The following PPP1R12B variants were observed in gnomAD, a reference collection of about 807,000 sequenced individuals.
The protein encoded by PPP1R12B is myosin phosphatase target subunit 2.
PPP1R12B carries 76 observed loss-of-function variants against 126.1 expected under a neutral mutation model. That is an observed-to-expected ratio of 0.60 (90% CI 0.50 to 0.73). PPP1R12B has a LOEUF of 0.73. Among genes scored for constraint, PPP1R12B ranks in the 30% least tolerant of loss-of-function variants. PPP1R12B has a pLI of 0.00. For synonymous variants in PPP1R12B, 356 were observed against 434.7 expected (o/e 0.82, Z 2.25); for missense variants, 1,052 against 1,205.1 (o/e 0.87, Z 1.88).
intron 18 of PPP1R12B, among the ~76,000 whole-genome samples, chr1:202,523,517 G>A (rs1682993812): frequency 6.6e-6 from 1 of 152,178 alleles, no homozygotes; most frequent in Admixed American, 6.5e-5. Flanking sequence ...TACAGCTAGA[G>A]CAAAGGCCAT....
chr1:202,502,060 A>G (rs1271829343), intron 18 of PPP1R12B: 1 of 985,546 alleles, frequency 1.0e-6, no homozygotes, highest in Non-Finnish European at 1.2e-6. Flanking sequence ...CTTTTCCCCT[A>G]GAATCTCTAT....
rs1489106278 is a variant in PPP1R12B, at chr1:202,377,841, T to TTG, written c.291+28700_291+28701insGT. 6.4e-3 allele frequency among the ~76,000 whole-genome samples: 303 copies of TTG among 47,304 alleles called. 4 individuals are homozygous for TTG. Among genetic ancestry groups the TTG allele is most frequent in the African/African-American group, 0.012 (285 of 22,856 alleles). The allele number at this position is 47,304 out of a possible 152,430, so 31.0% of individuals were successfully genotyped here. On this transcript the variant is annotated intron_variant, in intron 1 of 23. Coordinates refer to ENST00000608999, the MANE Select transcript of PPP1R12B (RefSeq NM_002481.4). ...AAGGTCAAAGACAGGTGTTTTTTTT[T>TTG]TTTTTTTTTTTTTTTTTTGAGACGG...
intron 1 of PPP1R12B, among the ~76,000 whole-genome samples, chr1:202,358,169 A>T (rs1657457507): frequency 6.6e-6 from 1 of 152,204 alleles, no homozygotes; most frequent in Non-Finnish European, 1.5e-5. Context: ...AGGACAAGGA[A>T]TTGAAGCCTC....
intron 13 of PPP1R12B, among the ~76,000 whole-genome samples, chr1:202,464,199 G>A (rs1572143796): frequency 2.0e-5 from 3 of 152,086 alleles, no homozygotes; most frequent in African/African-American, 7.2e-5. Context: ...TTAATTAAAT[G>A]GTATGTTGTT....
chr1:202,437,254 G>A (rs931277947), intron 9 of PPP1R12B, among the ~76,000 whole-genome samples: 16 of 152,106 alleles, frequency 1.1e-4, no homozygotes, highest in Admixed American at 2.6e-4. Context: ...TTGCTTGGGC[G>A]CAGGAGGTCA....
chr1:202,525,397 G>T (rs917878658), intron 18 of PPP1R12B, among the ~76,000 whole-genome samples: 8 of 151,904 alleles, frequency 5.3e-5, no homozygotes, highest in Non-Finnish European at 1.0e-4. Flanking sequence ...AAAAAAAAAT[G>T]TATCATGAAA....
intron 13 of PPP1R12B, among the ~76,000 whole-genome samples, chr1:202,464,323 C>G (rs1242467870): frequency 1.3e-5 from 2 of 152,100 alleles, no homozygotes; most frequent in Non-Finnish European, 2.9e-5. Context: ...AATTATTTCT[C>G]AAATGAAAAT....
chr1:202,366,870 A>G (rs1330387572), intron 1 of PPP1R12B, among the ~76,000 whole-genome samples: 1 of 152,182 alleles, frequency 6.6e-6, no homozygotes, highest in Non-Finnish European at 1.5e-5. Context: ...AAATGATTCA[A>G]CAGGAAGATC....
intron 18 of PPP1R12B, among the ~76,000 whole-genome samples, chr1:202,549,450 C>T (rs1572473168): frequency 6.9e-6 from 1 of 145,596 alleles, no homozygotes; most frequent in African/African-American, 2.6e-5. Flanking sequence ...GACGGAGTCT[C>T]GCTCTGTTGC....
chr1:202,414,164 C>T (rs1255150993), intron 1 of PPP1R12B, among the ~76,000 whole-genome samples: 1 of 152,200 alleles, frequency 6.6e-6, no homozygotes, highest in Admixed American at 6.5e-5. Flanking sequence ...TCAGGTGATC[C>T]ACCTGCCTTG....
At position 202,590,263 on chromosome 1, in the gene PPP1R12B, TC is replaced by T. The variant is rs1398084530; in HGVS notation, c.*9707del. The T allele has an allele frequency of 6.6e-6, 1 of 151,790 alleles. No homozygotes were observed. 9.4% of individuals were successfully genotyped at this position (151,790 alleles called of 1,614,324 possible). A position where few individuals can be genotyped will look rare whatever the true frequency, so the allele number is the denominator to read the frequency against. On this transcript the variant is annotated 3_prime_UTR_variant, in exon 24 of 24. Transcript: ENST00000608999. ...ACTGGAAGGGAATTCAAGAATATAG[TC>T]CCCACCACCACCCCGCCCCGCCCAG...
chr1:202,434,853 T>A, intron 9 of PPP1R12B, 85 bp downstream of exon 9: 1 of 1,551,784 alleles, frequency 6.4e-7, no homozygotes, highest in East Asian at 2.3e-5. Flanking sequence ...GGTACATTCT[T>A]GCAAAATAAT....
At chr1:202,519,845 G>A (rs987487324) in intron 18 of PPP1R12B, among the ~76,000 whole-genome samples, 2 of 152,102 alleles carry the variant, frequency 1.3e-5, no homozygotes, top group African/African-American at 4.8e-5. Flanking sequence ...TTGTAGAAAA[G>A]AACTCTTACC....
At chr1:202,429,465 C>T (rs1669940513) in intron 6 of PPP1R12B, among the ~76,000 whole-genome samples, 1 of 152,198 alleles carries the variant, frequency 6.6e-6, no homozygotes, top group Non-Finnish European at 1.5e-5. Flanking sequence ...ATTCAGTCCT[C>T]CTTTCTCTGC....
intron 23 of PPP1R12B, chr1:202,575,213 G>C: frequency 6.6e-7 from 1 of 1,511,220 alleles, no homozygotes; most frequent in South Asian, 1.3e-5. Context: ...AGTCCCAGAA[G>C]CTCTGTGCTC....
At chr1:202,384,518 G>T (rs1044840049) in intron 1 of PPP1R12B, among the ~76,000 whole-genome samples, 1 of 152,154 alleles carries the variant, frequency 6.6e-6, no homozygotes, top group South Asian at 2.1e-4. Context: ...CACAGAAATA[G>T]AAAGTAAATT....
At chr1:202,395,131 A>G (rs1358477926) in intron 1 of PPP1R12B, among the ~76,000 whole-genome samples, 7 of 151,470 alleles carry the variant, frequency 4.6e-5, no homozygotes, top group African/African-American at 1.7e-4. Flanking sequence ...AAAAAAAAAA[A>G]AAAGAAAGAA....
chr1:202,525,992 T>G (rs10082278), intron 18 of PPP1R12B, among the ~76,000 whole-genome samples: 66,059 of 152,070 alleles, frequency 0.43, 15,693 homozygotes, highest in East Asian at 0.71. Context: ...GCCACACCCA[T>G]CCAGAAAAGG....
intron 3 of PPP1R12B, among the ~76,000 whole-genome samples, chr1:202,424,543 C>G (rs930857061): frequency 6.6e-6 from 1 of 152,034 alleles, no homozygotes; most frequent in Admixed American, 6.6e-5. Context: ...AGGCTTGTCT[C>G]GAACTCTGAT....
Sources: gnomAD v4.1 joint callset for allele counts (sites outside exome capture counted in the v4.1 genomes callset) on GRCh38, gnomAD v4.1.1 for gene constraint, MANE v1.5 for transcripts, NCBI Gene and HGNC (gene_info 2026-07-23, HGNC 2026-07-21) for gene names.